The following FGF14 variants were observed in gnomAD, a reference collection of about 807,000 sequenced individuals.
FGF14 encodes the protein fibroblast growth factor 14.
In FGF14, 5 loss-of-function variants were observed where a neutral mutation model predicts 25.5. That is an observed-to-expected ratio of 0.20 (90% CI 0.10 to 0.41). The LOEUF is 0.41. FGF14 is among the 10% of genes least tolerant of loss of function. The pLI is 1.00. For synonymous variants in FGF14, 138 were observed against 118.3 expected (o/e 1.17, Z -1.08); for missense variants, 222 against 320.1 (o/e 0.69, Z 2.34).
At chr13:102,396,342 C>G (rs369471548) in intron 1 of FGF14, among the ~76,000 whole-genome samples, 2 of 152,100 alleles carry the variant, frequency 1.3e-5, no homozygotes, top group Middle Eastern at 3.2e-3. Flanking sequence ...TTCAAACAGC[C>G]CAACTGTTTC....
intron 1 of FGF14, among the ~76,000 whole-genome samples, chr13:101,975,037 A>AC (rs2037838214): frequency 6.6e-6 from 1 of 152,038 alleles, no homozygotes; most frequent in African/African-American, 2.4e-5. Flanking sequence ...AGCAAAAAGG[A>AC]CAAGAGAAGA....
At chr13:102,192,869 T>C (rs918306359) in intron 1 of FGF14, among the ~76,000 whole-genome samples, 3 of 152,174 alleles carry the variant, frequency 2.0e-5, no homozygotes, top group Non-Finnish European at 4.4e-5. Flanking sequence ...TTATTTATTA[T>C]ATTATTATAT....
In FGF14 at chr13:101,875,215, T is replaced by C; in HGVS notation, c.275A>G (p.Asp92Gly). The C allele has an allele frequency of 6.2e-7, 1 of 1,613,428 alleles. No individual in the cohort carries two copies. The change falls in exon 2 of 5, where the codon GAT (aspartate) becomes GGT (glycine). Residue 92 changes from aspartate (D) to glycine (G), a missense_variant. Asp to Gly is a moderately conservative substitution (Grantham distance 94). Around this residue, in one of 5 missense-constraint regions of FGF14, gnomAD observed 50 missense variants for 75.2 expected, o/e 0.66. Coordinates refer to ENST00000376143, the MANE Select transcript of FGF14 (RefSeq NM_004115.4). The part of the protein sequence containing the change: ...YLQMHPDGAL[D>G]GTKDDSTNST... ...ATTAGTGCTGTCATCCTTGGTTCCA[T>C]CGAGAGCTCCATCGGGGTGCATTTG...
intron 1 of FGF14, among the ~76,000 whole-genome samples, chr13:102,231,104 G>A (rs1002251452): frequency 6.6e-6 from 1 of 152,116 alleles, no homozygotes; most frequent in African/African-American, 2.4e-5. Flanking sequence ...TGTCAATCTG[G>A]TGAGCCAAGT....
chr13:101,732,232 G>A (rs115031150), intron 3 of FGF14, among the ~76,000 whole-genome samples: 1 of 152,158 alleles, frequency 6.6e-6, no homozygotes, highest in African/African-American at 2.4e-5. Flanking sequence ...TGTCACCTTG[G>A]TGTTATCTAA....
chr13:102,241,373 C>T (rs562766797), intron 1 of FGF14, among the ~76,000 whole-genome samples: 1 of 152,154 alleles, frequency 6.6e-6, no homozygotes. Flanking sequence ...TCACTTGTTG[C>T]CTTCACATTC....
chr13:102,150,421 C>T (rs1187519776), intron 1 of FGF14, among the ~76,000 whole-genome samples: 1 of 151,876 alleles, frequency 6.6e-6, no homozygotes, highest in East Asian at 1.9e-4. Flanking sequence ...TAAATTGTTA[C>T]ATTATTTCTC....
At chr13:102,240,459 T>C (rs931002949) in intron 1 of FGF14, among the ~76,000 whole-genome samples, 14 of 152,194 alleles carry the variant, frequency 9.2e-5, no homozygotes, top group Non-Finnish European at 1.6e-4. Context: ...TCCCGGCAAA[T>C]TCAAGAGCTG....
chr13:102,233,819 G>C (rs1445266714), intron 1 of FGF14, among the ~76,000 whole-genome samples: 2 of 152,206 alleles, frequency 1.3e-5, no homozygotes, highest in Admixed American at 1.3e-4. Context: ...ACAAAACAAT[G>C]AGGTCAGTGA....
intron 1 of FGF14, among the ~76,000 whole-genome samples, chr13:101,956,998 C>A (rs2036557068): frequency 6.6e-6 from 1 of 151,806 alleles, no homozygotes; most frequent in African/African-American, 2.4e-5. Flanking sequence ...GAGACCATAG[C>A]TAAATATAAT....
chr13:101,865,840 C>T (rs1466241997), intron 3 of FGF14, among the ~76,000 whole-genome samples: 1 of 152,086 alleles, frequency 6.6e-6, no homozygotes, highest in Non-Finnish European at 1.5e-5. Flanking sequence ...TCATATTAGA[C>T]TCTAGTTTAC....
chr13:102,202,106 C>A (rs183161018), intron 1 of FGF14, among the ~76,000 whole-genome samples: 2 of 152,116 alleles, frequency 1.3e-5, no homozygotes, highest in Non-Finnish European at 2.9e-5. Flanking sequence ...TCGCCTTCAC[C>A]GCGACTGTAA....
chr13:101,985,500 C>T (rs1205917830), intron 1 of FGF14, among the ~76,000 whole-genome samples: 1 of 152,058 alleles, frequency 6.6e-6, no homozygotes, highest in Non-Finnish European at 1.5e-5. Context: ...CAGTATCTTG[C>T]TGTGTTTCAC....
Position 101,720,043 on chromosome 13 carries a change from GTT to G in FGF14, c.*2786_*2787del, listed in dbSNP as rs1566809219. ...ATTTTGTTACATAAAGTTGTTTGAT[GTT>G]TTTTAATATGCCTTCATATAAATAT... On this transcript the variant is annotated 3_prime_UTR_variant, in exon 5 of 5. Coordinates refer to ENST00000376143, the MANE Select transcript of FGF14 (RefSeq NM_004115.4). 6.6e-6 allele frequency: 1 copy of G among 152,060 alleles called. No individual in the cohort carries two copies. The highest frequency in any genetic ancestry group is 1.5e-5 in the Non-Finnish European group (1 of 67,978). 9.4% of individuals were successfully genotyped at this position (152,060 alleles called of 1,614,324 possible).
At chr13:101,835,375 A>G (rs533888813) in intron 3 of FGF14, among the ~76,000 whole-genome samples, 1 of 152,126 alleles carries the variant, frequency 6.6e-6, no homozygotes, top group Admixed American at 6.6e-5. Flanking sequence ...ATTTTTGCCT[A>G]CCTCAAGGAC....
intron 3 of FGF14, among the ~76,000 whole-genome samples, chr13:101,774,367 C>A (rs189017186): frequency 2.7e-4 from 41 of 152,234 alleles, no homozygotes; most frequent in African/African-American, 9.1e-4. Flanking sequence ...GGAAACCAGT[C>A]GAGATCCAGA....
In FGF14 at chr13:102,227,631, A is replaced by C. The variant is rs2050887600; in HGVS notation, c.208+173840T>G. ...ATGCAACGTCAGTCATACATCTTCT[A>C]ATGCAAAGTTTTACTAATACTTATC... On this transcript the variant is annotated intron_variant, in intron 1 of 4. Coordinates refer to the FGF14 transcript ENST00000376131. Among the ~76,000 whole-genome samples the C allele has an allele frequency of 2.0e-5, 3 of 152,170 alleles. No homozygotes were observed. In the South Asian group the frequency reaches 6.2e-4, roughly 32 times the overall value.
chr13:102,124,434 A>G (rs1481843183), intron 1 of FGF14, among the ~76,000 whole-genome samples: 2 of 152,140 alleles, frequency 1.3e-5, no homozygotes, highest in African/African-American at 4.8e-5. Flanking sequence ...TGTTACAGCA[A>G]AAGTACAAGA....
At chr13:102,329,210 C>G (rs879540336) in intron 1 of FGF14, among the ~76,000 whole-genome samples, 1 of 152,162 alleles carries the variant, frequency 6.6e-6, no homozygotes, top group Non-Finnish European at 1.5e-5. Context: ...ATTAGTACAA[C>G]CCACTATTTG....
Sources: gnomAD v4.1 joint callset for allele counts (sites outside exome capture counted in the v4.1 genomes callset) on GRCh38, gnomAD v4.1.1 for gene constraint, gnomAD v4.1.1 regional missense constraint, MANE v1.5 for transcripts, NCBI Gene and HGNC (gene_info 2026-07-23, HGNC 2026-07-21) for gene names.